The following NPAS3 variants were observed in gnomAD, a reference collection of about 807,000 sequenced individuals.
NPAS3 encodes neuronal PAS domain protein 3, also known as neuronal PAS domain-containing protein 3.
NPAS3 carries 14 observed loss-of-function variants against 73.1 expected under a neutral mutation model. That is an observed-to-expected ratio of 0.19 (90% CI 0.13 to 0.30). The LOEUF is 0.30. Ranked by LOEUF, NPAS3 falls within the 10% of genes least tolerant of loss-of-function variation. The pLI, the probability that NPAS3 is intolerant of heterozygous loss-of-function variation, is 1.00. For synonymous variants in NPAS3, 620 were observed against 541.5 expected (o/e 1.14, Z -2.01); for missense variants, 1,096 against 1,250.0 (o/e 0.88, Z 1.86).
chr14:33,195,960 T>C (rs2046336622), intron 2 of NPAS3, among the ~76,000 whole-genome samples: 1 of 152,186 alleles, frequency 6.6e-6, no homozygotes, highest in African/African-American at 2.4e-5. Flanking sequence ...TAATGTTGTA[T>C]GACAAAAACA....
chr14:32,971,681 C>T lies in NPAS3; in HGVS notation c.50+32315C>T, dbSNP rs540509087. Among the ~76,000 whole-genome samples, 296 of 152,192 alleles carry T rather than the reference C, an allele frequency of 1.9e-3. 3 individuals carry two copies. Among genetic ancestry groups the T allele is most frequent in the Middle Eastern group, 6.8e-3 (2 of 292 alleles). On this transcript the variant is annotated intron_variant, in intron 1 of 11. Transcript: ENST00000356141. ...TAATTTTTTTATGCTTAGATACTAC[C>T]TCCTCAGTTGAGGACTAATATCCAT...
At chr14:33,548,483 T>C (rs1295646730) in intron 4 of NPAS3, among the ~76,000 whole-genome samples, 1 of 152,224 alleles carries the variant, frequency 6.6e-6, no homozygotes, top group South Asian at 2.1e-4. Flanking sequence ...GGAATTACTT[T>C]CGATGAGCAC....
intron 4 of NPAS3, among the ~76,000 whole-genome samples, chr14:33,490,956 A>G (rs1595014768): frequency 6.6e-6 from 1 of 152,184 alleles, no homozygotes; most frequent in East Asian, 1.9e-4. Flanking sequence ...GCAAAAATAC[A>G]ATTTTTCACT....
chr14:33,096,469 C>T (rs567552137), intron 2 of NPAS3, among the ~76,000 whole-genome samples: 1 of 152,110 alleles, frequency 6.6e-6, no homozygotes, highest in Non-Finnish European at 1.5e-5. Flanking sequence ...TTTTTGGACA[C>T]TAAAGAGAGG....
intron 5 of NPAS3, among the ~76,000 whole-genome samples, chr14:33,663,894 A>G: frequency 6.6e-6 from 1 of 151,704 alleles, no homozygotes; most frequent in East Asian, 1.9e-4. Flanking sequence ...TATCCCATTT[A>G]CCATTTTTTA....
intron 2 of NPAS3, among the ~76,000 whole-genome samples, chr14:33,059,956 G>A (rs1237377687): frequency 6.6e-6 from 1 of 151,812 alleles, no homozygotes; most frequent in Non-Finnish European, 1.5e-5. Flanking sequence ...TTTTTGTTTT[G>A]TTTTTAGTAG....
chr14:33,191,100 G>T (rs1321285293), intron 2 of NPAS3, among the ~76,000 whole-genome samples: 1 of 152,130 alleles, frequency 6.6e-6, no homozygotes, highest in Non-Finnish European at 1.5e-5. Context: ...CAGAGACAAG[G>T]GTTGAATTAA....
intron 4 of NPAS3, among the ~76,000 whole-genome samples, chr14:33,514,302 C>T (rs2140038260): frequency 6.6e-6 from 1 of 152,066 alleles, no homozygotes; most frequent in South Asian, 2.1e-4. Flanking sequence ...GTCTCTAAAT[C>T]CAACCTCCTA....
At chr14:33,263,187 C>G (rs1324685189) in intron 3 of NPAS3, among the ~76,000 whole-genome samples, 2 of 152,178 alleles carry the variant, frequency 1.3e-5, no homozygotes, top group Non-Finnish European at 2.9e-5. Context: ...GACATGAAGT[C>G]CTTGCCCATG....
chr14:33,217,609 GT>G (rs1294687951), intron 3 of NPAS3, among the ~76,000 whole-genome samples: 2 of 152,116 alleles, frequency 1.3e-5, no homozygotes, highest in Non-Finnish European at 2.9e-5. Context: ...TACTTTCATT[GT>G]TAAAGGGGTT....
chr14:33,713,481 A>G (rs2060877397), intron 6 of NPAS3, among the ~76,000 whole-genome samples: 1 of 152,220 alleles, frequency 6.6e-6, no homozygotes, highest in Non-Finnish European at 1.5e-5. Context: ...AGACTTCCCT[A>G]ACTTCTCATG....
At chr14:33,658,511 C>G (rs527994807) in intron 5 of NPAS3, among the ~76,000 whole-genome samples, 1 of 152,166 alleles carries the variant, frequency 6.6e-6, no homozygotes, top group Non-Finnish European at 1.5e-5. Context: ...CAATAAAACA[C>G]GTTCTTTAAG....
chr14:33,378,484 A>G (rs150272756), intron 4 of NPAS3, among the ~76,000 whole-genome samples: 3,182 of 152,162 alleles, frequency 0.021, 94 homozygotes, highest in African/African-American at 0.071. Flanking sequence ...AAAAATACAA[A>G]AATTAGCTGG....
intron 4 of NPAS3, among the ~76,000 whole-genome samples, chr14:33,507,669 T>C (rs1957315): frequency 0.37 from 55,621 of 151,884 alleles, 10,628 homozygotes; most frequent in East Asian, 0.48. Context: ...CCATGGAACA[T>C]GGAATTTCTA....
intron 9 of NPAS3, among the ~76,000 whole-genome samples, chr14:33,782,059 C>T (rs2062994119): frequency 6.6e-6 from 1 of 152,216 alleles, no homozygotes; most frequent in Non-Finnish European, 1.5e-5. Flanking sequence ...TGAAACTACA[C>T]TGGAACTCTA....
chr14:33,477,196 T>C (rs530625366), intron 4 of NPAS3, among the ~76,000 whole-genome samples: 1 of 152,312 alleles, frequency 6.6e-6, no homozygotes, highest in Non-Finnish European at 1.5e-5. Flanking sequence ...CCATCTTTCA[T>C]CTTTTGGTGA....
intron 9 of NPAS3, among the ~76,000 whole-genome samples, chr14:33,786,937 C>CAAAAAAAA (rs36114643): frequency 4.0e-5 from 6 of 151,652 alleles, no homozygotes; most frequent in African/African-American, 1.5e-4. Context: ...AGTAGGCACT[C>CAAAAAAAA]AAAAAAAATG....
intron 5 of NPAS3, among the ~76,000 whole-genome samples, chr14:33,647,269 A>ACT (rs536728235): frequency 0.068 from 10,024 of 147,822 alleles, 487 homozygotes; most frequent in African/African-American, 0.15. Flanking sequence ...ACATCTTCTT[A>ACT]CTCTCTCTCT....
intron 7 of NPAS3, among the ~76,000 whole-genome samples, chr14:33,739,216 A>G (rs1052317211): frequency 1.3e-5 from 2 of 152,218 alleles, no homozygotes; most frequent in African/African-American, 4.8e-5. Flanking sequence ...CTGCTATGAC[A>G]TACGCAAACA....
Sources: gnomAD v4.1 joint callset for allele counts (sites outside exome capture counted in the v4.1 genomes callset) on GRCh38, gnomAD v4.1.1 for gene constraint, MANE v1.5 for transcripts, NCBI Gene and HGNC (gene_info 2026-07-23, HGNC 2026-07-21) for gene names.